PNMA2: variants seen among roughly 807,000 people sequenced by gnomAD.
PNMA2 encodes PNMA family member 2.
For synonymous variants in PNMA2, 175 were observed against 183.5 expected (o/e 0.95, Z 0.38); for missense variants, 455 against 452.9 (o/e 1.00, Z -0.04).
rs1471456680 is a variant in PNMA2 at position 26,506,003 on chromosome 8, T to C, written c.*1658A>G. The C allele has an allele frequency of 6.6e-6, 1 of 151,914 alleles. No homozygotes were observed. The highest frequency in any genetic ancestry group is 1.5e-5 in the Non-Finnish European group (1 of 67,998). 9.4% of individuals were successfully genotyped at this position (151,914 alleles called of 1,614,324 possible). On this transcript the variant is annotated 3_prime_UTR_variant, in exon 3 of 3. Transcript: ENST00000522362. This position sits in a 1 kb window ranked among gnomAD's most constrained non-coding sequence, Gnocchi z 4.4. ...AGACTCAGTCTCAAAATAATACTAA[T>C]AATAATTAAAAAAATAAAGAGTTTA...
Position 26,508,789 on chromosome 8 carries a change from G to A in PNMA2, c.-34C>T. ...GAATTGACCCACTCTGACTCTACAG[G>A]CACCAATTTGTTAGTGGTGCAGCTA... On this transcript the variant is annotated 5_prime_UTR_variant, in exon 3 of 3. Transcript: ENST00000522362. This position sits in a 1 kb window ranked among gnomAD's most constrained non-coding sequence, Gnocchi z 5.5. 1.3e-6 allele frequency: 2 copies of A among 1,571,128 alleles called. No individual in the cohort carries two copies. Among genetic ancestry groups the A allele is most frequent in the Non-Finnish European group, 1.7e-6 (2 of 1,161,356 alleles).
chr8:26,508,367 G>C lies in PNMA2; in HGVS notation c.389C>G (p.Ser130Cys). 6.2e-7 allele frequency: 1 copy of C among 1,614,162 alleles called. No individual in the cohort carries two copies. The highest frequency in any genetic ancestry group is 8.5e-7 in the Non-Finnish European group (1 of 1,179,996). Residue 130 changes from serine (S) to cysteine (C), a missense_variant, in exon 3 of 3, where the codon TCT becomes TGT. Transcript: ENST00000522362. The surrounding 1 kb of genome is among the most constrained non-coding windows in gnomAD (Gnocchi z 5.5). ...MFRALGQEGVSPATVPCISPE... is the reference protein window; with the variant it reads ...MFRALGQEGVCPATVPCISPE... The stretch of plus-strand genomic sequence containing the variant: ...TGAGATGCAGGGCACTGTGGCTGGA[G>C]ACACGCCCTCCTGCCCCAGGGCTCG...
At chr8:26,511,239 C>A (rs1044687133) in intron 1 of PNMA2, among the ~76,000 whole-genome samples, 2 of 152,184 alleles carry the variant, frequency 1.3e-5, no homozygotes, top group African/African-American at 4.8e-5. Context: ...CCATTTCCCC[C>A]TTGGCCTAAA....
rs763605401 is a variant in PNMA2, at chr8:26,508,328, G to T, written c.428C>A (p.Ala143Asp). ...TVPCISPELL[A>D]HLLGQAMAHA... ...TGCCATTGCCTGTCCCAACAAATGG[G>T]CCAGTAATTCTGGTGAGATGCAGGG... The change falls in exon 3 of 3, where the codon GCC becomes GAC. Residue 143 changes from alanine to aspartate, a missense_variant. By Grantham distance (126) the Ala-to-Asp change is moderately radical. Transcript: ENST00000522362. The surrounding 1 kb of genome is among the most constrained non-coding windows in gnomAD (Gnocchi z 5.5). The T allele has an allele frequency of 6.2e-7, 1 of 1,612,328 alleles. No homozygotes were observed. The highest frequency in any genetic ancestry group is 1.7e-5 in the Admixed American group (1 of 59,910).
chr8:26,512,135 C>G (rs1050246704), intron 1 of PNMA2, among the ~76,000 whole-genome samples: 14 of 152,182 alleles, frequency 9.2e-5, no homozygotes, highest in Non-Finnish European at 2.1e-4. Context: ...ACTGGAATTG[C>G]TGGATCATTT....
intron 1 of PNMA2, among the ~76,000 whole-genome samples, chr8:26,513,394 C>A (rs1219971815): frequency 6.6e-6 from 1 of 151,652 alleles, no homozygotes; most frequent in East Asian, 1.9e-4. Flanking sequence ...GTGTGCCCCC[C>A]CCCCACTCCC....
In PNMA2 at chr8:26,508,528, C is replaced by T. The variant is rs561956207; in HGVS notation, c.228G>A (p.Ser76=). The T allele has an allele frequency of 7.4e-5, 119 of 1,614,166 alleles. 1 individual carries two copies. The South Asian group carries it at 1.2e-3, about 16-fold the overall frequency. Residue 76 remains serine, a synonymous_variant, in exon 3 of 3, where the codon TCG becomes TCA. Transcript: ENST00000522362. The surrounding 1 kb of genome is among the most constrained non-coding windows in gnomAD (Gnocchi z 5.5). ...TTCCCTGGACCTCACTGGGAATGGC[C>T]GAGACATCAGTATCTTCCAGAAGCT... ...LLELLEDTDV[S]AIPSEVQGKG...
In PNMA2 at chr8:26,507,959, G is replaced by A. The variant is rs1014437046; in HGVS notation, c.797C>T (p.Ser266Leu). Residue 266 changes from serine (S) to leucine (L), a missense_variant, in exon 3 of 3, where the codon TCA (serine) becomes TTA (leucine). By Grantham distance (145) the Ser-to-Leu change is moderately radical (BLOSUM62 -2). Transcript: ENST00000522362. ...GGTTTCTAGCCGTAACACATAGGCTGAGACCTTCTCTCCTTCCTCCTGATA... is the reference window on the plus strand; with the variant it reads ...GGTTTCTAGCCGTAACACATAGGCTAAGACCTTCTCTCCTTCCTCCTGATA... ...KTYQEEGEKV[S>L]AYVLRLETLL... The A allele has an allele frequency of 6.2e-6, 10 of 1,614,028 alleles. No individual in the cohort carries two copies. Among genetic ancestry groups the A allele is most frequent in the Non-Finnish European group, 8.5e-6 (10 of 1,180,036 alleles).
chr8:26,510,160 T>G (rs1808123802), intron 1 of PNMA2, among the ~76,000 whole-genome samples: 1 of 152,160 alleles, frequency 6.6e-6, no homozygotes, highest in East Asian at 1.9e-4. Context: ...TTCTATTAGC[T>G]TCCTCGAGAT....
Position 26,508,911 on chromosome 8 carries a change from A to G in PNMA2, c.-156T>C. 2.7e-6 allele frequency: 4 copies of G among 1,477,952 alleles called. No homozygotes were observed. The highest frequency in any genetic ancestry group is 3.2e-5 in the South Asian group (2 of 63,128). The allele number at this position is 1,477,952 out of a possible 1,614,324, so 91.6% of individuals were successfully genotyped here. On this transcript the variant is annotated 5_prime_UTR_variant, in exon 3 of 3. Coordinates refer to ENST00000522362, the MANE Select transcript of PNMA2 (RefSeq NM_007257.6). The surrounding 1 kb of genome is among the most constrained non-coding windows in gnomAD (Gnocchi z 5.5). ...GACTAGGTCACTCAAAGACAGTCAC[A>G]AAGTTTTCTGGACAAATGACCCTGG...
rs1808079942 is a variant in PNMA2, at chr8:26,508,145, C to T, written c.611G>A (p.Arg204Lys). The T allele has an allele frequency of 1.2e-6, 2 of 1,614,250 alleles. No individual in the cohort carries two copies. Among genetic ancestry groups the T allele is most frequent in the South Asian group, 2.2e-5 (2 of 91,086 alleles). The change falls in exon 3 of 3, where the codon AGG (arginine) becomes AAG (lysine). Residue 204 changes from arginine to lysine, a missense_variant. By Grantham distance (26) the Arg-to-Lys change is conservative (BLOSUM62 2). Coordinates refer to ENST00000522362, the MANE Select transcript of PNMA2 (RefSeq NM_007257.6). The surrounding 1 kb of genome is among the most constrained non-coding windows in gnomAD (Gnocchi z 5.5). ...EWPVTEAEKK[R>K]WLAESLRGPA... ...GCCCCGCAGGCTTTCCGCCAGCCAC[C>T]TTTTCTTTTCTGCCTCTGTTACTGG...
Position 26,508,411 on chromosome 8 carries a change from C to G in PNMA2, c.345G>C (p.Gln115His). Residue 115 changes from glutamine (Q) to histidine (H), a missense_variant, in exon 3 of 3, where the codon CAG becomes CAC. Coordinates refer to ENST00000522362, the MANE Select transcript of PNMA2 (RefSeq NM_007257.6). This position sits in a 1 kb window ranked among gnomAD's most constrained non-coding sequence, Gnocchi z 5.5. ...GGGCTCGAAACATACCCGAGACCGT[C>G]TGCCCCTCTTTTTCTAGAAACAGGT... ...RLNLFLEKEG[Q>H]TVSGMFRALG... 6.2e-7 allele frequency: 1 copy of G among 1,614,264 alleles called. No homozygotes were observed. The highest frequency in any genetic ancestry group is 2.2e-5 in the East Asian group (1 of 44,882).
At position 26,507,740 on chromosome 8, in the gene PNMA2, G is replaced by C. The variant is rs1381695894; in HGVS notation, c.1016C>G (p.Ala339Gly). 1 of 1,610,908 alleles carries C rather than the reference G, an allele frequency of 6.2e-7. No individual in the cohort carries two copies. The highest frequency in any genetic ancestry group is 8.5e-7 in the Non-Finnish European group (1 of 1,178,794). Residue 339 changes from alanine to glycine, a missense_variant, in exon 3 of 3, where the codon GCC (alanine) becomes GGC (glycine). Coordinates refer to ENST00000522362, the MANE Select transcript of PNMA2 (RefSeq NM_007257.6). ...TTCGATACTCTCATTCTCAAAGGAG[G>C]CCTCTTCCTCCTCTTCTTCCCGTAT... ...KVIREEEEEE[A>G]SFENESIEEP...
intron 1 of PNMA2, among the ~76,000 whole-genome samples, chr8:26,512,625 G>A (rs529960331): frequency 6.6e-6 from 1 of 152,276 alleles, no homozygotes; most frequent in African/African-American, 2.4e-5. Context: ...TGGTTACTGA[G>A]CATGCCCAGA....
chr8:26,511,252 T>C (rs907241432), intron 1 of PNMA2, among the ~76,000 whole-genome samples: 1 of 151,680 alleles, frequency 6.6e-6, no homozygotes, highest in South Asian at 2.1e-4. Flanking sequence ...GGCCTAAACA[T>C]CTTCATCAAT....
intron 1 of PNMA2, chr8:26,513,112 C>CTTTTTTTT: frequency 4.8e-5 from 2 of 41,916 alleles, no homozygotes; most frequent in African/African-American, 1.0e-4. Flanking sequence ...TGTTTTTTCT[C>CTTTTTTTT]TCTTTTTTTT....
intron 1 of PNMA2, among the ~76,000 whole-genome samples, chr8:26,511,151 C>CAA (rs34369103): frequency 0.49 from 56,107 of 115,328 alleles, 14,489 homozygotes; most frequent in East Asian, 0.87. Context: ...GACTCTGTCT[C>CAA]AAAAAAAAAA....
In PNMA2 at chr8:26,508,746, C is replaced by T. The variant is rs929678566; in HGVS notation, c.10G>A (p.Ala4Thr). 1.2e-6 allele frequency: 2 copies of T among 1,610,032 alleles called. No individual in the cohort carries two copies. Among genetic ancestry groups the T allele is most frequent in the African/African-American group, 1.3e-5 (1 of 74,950 alleles). The part of the protein sequence containing the change: MAL[A>T]LLEDWCRIMS... Reference sequence around the variant, plus strand: ...ATCCTGCACCAGTCCTCTAACAGTGCCAGCGCCATTGTCCTAAGAATTGAC... The same window carrying T: ...ATCCTGCACCAGTCCTCTAACAGTGTCAGCGCCATTGTCCTAAGAATTGAC... Residue 4 changes from alanine (A) to threonine (T), a missense_variant, in exon 3 of 3, where the codon GCA (alanine) becomes ACA (threonine). Physicochemically the swap from Ala to Thr is moderately conservative, Grantham distance 58 (BLOSUM62 0). Coordinates refer to ENST00000522362, the MANE Select transcript of PNMA2 (RefSeq NM_007257.6). The surrounding 1 kb of genome is among the most constrained non-coding windows in gnomAD (Gnocchi z 5.5).
rs764657119 is a variant in PNMA2, at chr8:26,508,092, G to A, written c.664C>T (p.Gln222Ter). The change falls in exon 3 of 3, where the codon CAG (glutamine) becomes TAG (stop). Residue 222 changes from glutamine (Q) to a stop codon, truncating the protein, a stop_gained. Transcript: ENST00000522362. LOFTEE classifies it low-confidence loss of function (END_TRUNC). The surrounding 1 kb of genome is among the most constrained non-coding windows in gnomAD (Gnocchi z 5.5). The stretch of plus-strand genomic sequence containing the variant: ...ACACTGATGGACGGGTTGTCTGCCT[G>A]CACTATGTGCATGAGGTCCAGGGCA... ...GPALDLMHIV[Q>*]ADNPSISVEE... 5 of 1,614,118 alleles carry A rather than the reference G, an allele frequency of 3.1e-6. No individual in the cohort carries two copies. Among genetic ancestry groups the A allele is most frequent in the Admixed American group, 1.7e-5 (1 of 60,012 alleles).
Sources: allele counts gnomAD v4.1 joint callset (sites outside exome capture counted in the v4.1 genomes callset), GRCh38; gene constraint gnomAD v4.1.1; non-coding constraint Gnocchi (gnomAD v3.1); transcripts MANE v1.5; gene names NCBI Gene and HGNC (gene_info 2026-07-23, HGNC 2026-07-21).